The following STRADB variants were observed in gnomAD, a reference collection of about 807,000 sequenced individuals.
STRADB encodes STE20-related kinase adapter protein beta.
In STRADB, 34 loss-of-function variants were observed where a neutral mutation model predicts 52.1. The observed-to-expected ratio is 0.65, with a 90% confidence interval of 0.50 to 0.87. STRADB has a LOEUF of 0.87. STRADB is among the 40% of genes least tolerant of loss of function. The probability of loss-of-function intolerance (pLI) is 0.00; values close to 1 mark genes in which losing one functional copy is unlikely to be tolerated. For synonymous variants in STRADB, 133 were observed against 174.5 expected (o/e 0.76, Z 1.87); for missense variants, 340 against 483.9 (o/e 0.70, Z 2.79).
At chr2:201,465,805 C>T (rs1253727402) in intron 3 of STRADB, among the ~76,000 whole-genome samples, 1 of 152,218 alleles carries the variant, frequency 6.6e-6, no homozygotes, top group Non-Finnish European at 1.5e-5. Context: ...GGTGATTCCC[C>T]TCTGGCTAAG....
chr2:201,466,650 C>G (rs1285470103), intron 3 of STRADB, among the ~76,000 whole-genome samples: 1 of 152,132 alleles, frequency 6.6e-6, no homozygotes, highest in Non-Finnish European at 1.5e-5. Flanking sequence ...TTTATGTCTC[C>G]TATAACTTCG....
In STRADB at chr2:201,462,721, A is replaced by G. The variant is rs148545256; in HGVS notation, c.93+3857A>G. Among the ~76,000 whole-genome samples the G allele has an allele frequency of 4.1e-3, 626 of 152,248 alleles. 5 individuals carry two copies. Among genetic ancestry groups the G allele is most frequent in the Non-Finnish European group, 3.7e-3 (255 of 68,000 alleles). On this transcript the variant is annotated intron_variant, in intron 3 of 11. Transcript: ENST00000194530. ...TGTTTTTTAAGTTTTTATGGTTTCTATTTATATCTTCTTGTACTATTTTGA... is the reference window on the plus strand; with the variant it reads ...TGTTTTTTAAGTTTTTATGGTTTCTGTTTATATCTTCTTGTACTATTTTGA...
At chr2:201,468,085 C>CTTTTCTTTTTTTTTTT (rs1559465545) in intron 3 of STRADB, among the ~76,000 whole-genome samples, 6 of 71,020 alleles carry the variant, frequency 8.4e-5, no homozygotes, top group Non-Finnish European at 1.5e-4. Context: ...TTTTTTTTTT[C>CTTTTCTTTTTTTTTTT]TTTTTTTTTT....
intron 3 of STRADB, among the ~76,000 whole-genome samples, chr2:201,464,417 G>C (rs539246914): frequency 6.6e-6 from 1 of 152,124 alleles, no homozygotes; most frequent in Non-Finnish European, 1.5e-5. Context: ...AGGGAATCTC[G>C]TTTTCTTCCC....
Position 201,478,604 on chromosome 2 carries a change from A to G in STRADB, c.1070+3A>G, listed in dbSNP as rs1174967669. The G allele has an allele frequency of 6.2e-7, 1 of 1,613,760 alleles. No individual in the cohort carries two copies. The highest frequency in any genetic ancestry group is 1.7e-5 in the Admixed American group (1 of 59,992). Reference sequence around the variant, plus strand: ...TTGCAACAAGATCCTGAGAAAAGGTAATATTGATCTCTTTTAAATAGCACA... The same window carrying G: ...TTGCAACAAGATCCTGAGAAAAGGTGATATTGATCTCTTTTAAATAGCACA... On this transcript the variant is annotated splice_donor_region_variant and intron_variant, in intron 10 of 11. Transcript: ENST00000194530.
intron 5 of STRADB, 143 bp downstream of exon 5, chr2:201,473,219 A>G: frequency 1.4e-6 from 1 of 715,626 alleles, no homozygotes; most frequent in Non-Finnish European, 2.0e-6. Flanking sequence ...AACACAGCAT[A>G]ACTATTTACA....
At chr2:201,473,147 C>G (rs1952417955) in intron 5 of STRADB, 71 bp downstream of exon 5, 1 of 1,345,560 alleles carries the variant, frequency 7.4e-7, no homozygotes, top group African/African-American at 1.5e-5. Context: ...CAGATTCAAC[C>G]AATTGTGAAT....
At chr2:201,454,532 T>C (rs1374880037) in intron 1 of STRADB, among the ~76,000 whole-genome samples, 1 of 152,234 alleles carries the variant, frequency 6.6e-6, no homozygotes, top group African/African-American at 2.4e-5. Context: ...TTCACTCTGC[T>C]TCTTGGTTGT....
intron 9 of STRADB, 24 bp downstream of exon 9, chr2:201,478,215 G>C (rs1574296340): frequency 1.2e-6 from 2 of 1,603,688 alleles, no homozygotes; most frequent in Non-Finnish European, 1.7e-6. Context: ...AAATCCCTGA[G>C]CTACTTGCCT....
At chr2:201,478,294 A>C in intron 9 of STRADB, 63 bp from the exon 10 acceptor site, 9 of 1,600,744 alleles carry the variant, frequency 5.6e-6, no homozygotes, top group Non-Finnish European at 7.7e-6. Context: ...TAGGAGCTTT[A>C]TTGTTGTTAC....
chr2:201,480,358 G>GA lies in STRADB; in HGVS notation c.*184dup. Reference sequence around the variant, plus strand: ...GTTTGTAGTCCCTCTGTTTCGCACAGAGTACTATGACAAGGAAACATCAGA... The same window carrying GA: ...GTTTGTAGTCCCTCTGTTTCGCACAGAAGTACTATGACAAGGAAACATCAGA... On this transcript the variant is annotated 3_prime_UTR_variant, in exon 12 of 12. Transcript: ENST00000194530. The GA allele has an allele frequency of 7.0e-7, 1 of 1,419,118 alleles. No homozygotes were observed. The highest frequency in any genetic ancestry group is 9.2e-7 in the Non-Finnish European group (1 of 1,090,220). 87.9% of individuals were successfully genotyped at this position (1,419,118 alleles called of 1,614,324 possible). A position where few individuals can be genotyped will look rare whatever the true frequency, so the allele number is the denominator to read the frequency against.
At chr2:201,457,095 C>G (rs930993519) in intron 2 of STRADB, among the ~76,000 whole-genome samples, 2 of 152,176 alleles carry the variant, frequency 1.3e-5, no homozygotes, top group Admixed American at 1.3e-4. Flanking sequence ...GTGAGCGATT[C>G]TTATGAAGGG....
At chr2:201,469,381 C>T (rs1315413689) in intron 3 of STRADB, among the ~76,000 whole-genome samples, 1 of 152,194 alleles carries the variant, frequency 6.6e-6, no homozygotes, top group Non-Finnish European at 1.5e-5. Flanking sequence ...CCAAAGCACA[C>T]CATGAGACCT....
intron 4 of STRADB, among the ~76,000 whole-genome samples, chr2:201,471,528 T>G (rs1336073996): frequency 6.6e-6 from 1 of 152,198 alleles, no homozygotes. Context: ...TCTTTAACCC[T>G]TTGCCACTCC....
In STRADB at chr2:201,480,149, G is replaced by GA. The variant is rs991934179; in HGVS notation, c.1236dup (p.Asp413ArgfsTer31). ...TGAGCCAGAATGTGATTTTCCTGAT[G>GA]AAAAAGACTCATACTGGGAATTCTA... On this transcript the variant is annotated frameshift_variant, in exon 12 of 12. Transcript: ENST00000194530. LOFTEE classifies it high-confidence loss of function. 3 of 1,613,580 alleles carry GA rather than the reference G, an allele frequency of 1.9e-6. No homozygotes were observed. Among genetic ancestry groups the GA allele is most frequent in the African/African-American group, 1.3e-5 (1 of 74,908 alleles).
Position 201,479,456 on chromosome 2 carries a change from G to GT in STRADB, c.1071-23dup, listed in dbSNP as rs34469362. On this transcript the variant is annotated intron_variant, in intron 10 of 11. Transcript: ENST00000194530. The stretch of plus-strand genomic sequence containing the variant: ...CTGAAATCTACATTCTAATATAAAG[G>GT]TTTTTTTTTTATAACTTTCTTAAAA... 5.1e-4 allele frequency: 762 copies of GT among 1,491,456 alleles called. 3 individuals are homozygous for GT. In the African/African-American group the frequency reaches 8.7e-3, roughly 17 times the overall value. The allele number at this position is 1,491,456 out of a possible 1,614,324, so 92.4% of individuals were successfully genotyped here. A position where few individuals can be genotyped will look rare whatever the true frequency, so the allele number is the denominator to read the frequency against.
rs1352582251 is a variant in STRADB at position 201,480,084 on chromosome 2, A to G, written c.1166A>G (p.Asn389Ser). Residue 389 changes from asparagine (N) to serine (S), a missense_variant, in exon 12 of 12, where the codon AAC becomes AGC. Transcript: ENST00000194530. ...SILSLLPPAY[N>S]KPSISLPPVL... ...CTTTCACTGTTGCCTCCTGCTTATA[A>G]CAAGCCATCAATATCATTGCCTCCA... 4 of 1,613,796 alleles carry G rather than the reference A, an allele frequency of 2.5e-6. No homozygotes were observed. The highest frequency in any genetic ancestry group is 3.4e-6 in the Non-Finnish European group (4 of 1,179,826).
chr2:201,479,336 G>A (rs1177394862), intron 10 of STRADB, 153 bp from the exon 11 acceptor site: 4 of 645,816 alleles, frequency 6.2e-6, no homozygotes, highest in Non-Finnish European at 1.1e-5. Flanking sequence ...AGTCAAGGTT[G>A]TAGCTAAGAA....
At chr2:201,465,866 T>C (rs1334789872) in intron 3 of STRADB, among the ~76,000 whole-genome samples, 1 of 152,212 alleles carries the variant, frequency 6.6e-6, no homozygotes, top group Non-Finnish European at 1.5e-5. Flanking sequence ...TTTACTGTGT[T>C]GCTCTCTGCT....
Sources: allele counts gnomAD v4.1 joint callset (sites outside exome capture counted in the v4.1 genomes callset), GRCh38; gene constraint gnomAD v4.1.1; transcripts MANE v1.5; gene names NCBI Gene and HGNC (gene_info 2026-07-23, HGNC 2026-07-21).